The following SLC1A2 variants were observed in gnomAD, a reference collection of about 807,000 sequenced individuals.
SLC1A2 encodes excitatory amino acid transporter 2.
In SLC1A2, 15 loss-of-function variants were observed where a neutral mutation model predicts 48.8. That is an observed-to-expected ratio of 0.31 (90% confidence interval 0.21 to 0.47). The LOEUF (loss-of-function observed/expected upper bound fraction) is 0.47, where lower values mean the gene tolerates loss of function less well. SLC1A2 is among the 20% of genes least tolerant of loss of function. SLC1A2 has a pLI of 0.99. For missense variants in SLC1A2, 502 were observed against 730.5 expected, an observed-to-expected ratio of 0.69 and a Z score of 3.61; for synonymous variants, 279 against 272.6, an observed-to-expected ratio of 1.02 and a Z score of -0.23.
intron 1 of SLC1A2, among the ~76,000 whole-genome samples, chr11:35,380,758 C>A (rs1854395113): frequency 6.6e-6 from 1 of 152,198 alleles, no homozygotes; most frequent in South Asian, 2.1e-4. Context: ...GGTGTCTGCA[C>A]GGGCAGTGCC....
chr11:35,322,477 G>GAAACACTCAT (rs1852105413), intron 1 of SLC1A2: 2 of 762,878 alleles, frequency 2.6e-6, no homozygotes, highest in East Asian at 2.7e-5. Context: ...TGATGAGGTG[G>GAAACACTCAT]CAACAGAACA....
intron 1 of SLC1A2, among the ~76,000 whole-genome samples, chr11:35,338,492 T>C (rs1243476895): frequency 6.6e-6 from 1 of 152,144 alleles, no homozygotes; most frequent in African/African-American, 2.4e-5. Context: ...TGGGTGATCA[T>C]GTGGACCAAG....
intron 1 of SLC1A2, among the ~76,000 whole-genome samples, chr11:35,328,628 A>C (rs1225619864): frequency 1.3e-5 from 2 of 152,200 alleles, no homozygotes; most frequent in African/African-American, 4.8e-5. Flanking sequence ...CCAGCCCGAG[A>C]AAACTTGCTC....
intron 8 of SLC1A2, among the ~76,000 whole-genome samples, chr11:35,282,259 C>G (rs942260459): frequency 3.3e-5 from 5 of 152,146 alleles, no homozygotes; most frequent in Non-Finnish European, 7.4e-5. Context: ...TTGAATCCAT[C>G]TGGGTCACAG....
intron 1 of SLC1A2, among the ~76,000 whole-genome samples, chr11:35,320,641 G>C (rs1852026683): frequency 6.6e-6 from 1 of 152,250 alleles, no homozygotes; most frequent in South Asian, 2.1e-4. Flanking sequence ...AAGAGAAATT[G>C]AGAATTGAAA....
chr11:35,419,203 C>A lies in SLC1A2; in HGVS notation c.-237G>T. On this transcript the variant is annotated 5_prime_UTR_variant, in exon 1 of 11. Transcript: ENST00000278379. This position sits in a 1 kb window ranked among gnomAD's most constrained non-coding sequence, Gnocchi z 5.4. Reference sequence around the variant, plus strand: ...GGCGCGCGACCCGCGCTCCCCTCCGCCCGCGGGGATGGCGCTTGGCGGGGA... The same window carrying A: ...GGCGCGCGACCCGCGCTCCCCTCCGACCGCGGGGATGGCGCTTGGCGGGGA... 2.2e-6 allele frequency: 1 copy of A among 446,298 alleles called. No individual in the cohort carries two copies. Among genetic ancestry groups the A allele is most frequent in the Non-Finnish European group, 3.9e-6 (1 of 254,116 alleles). The allele number at this position is 446,298 out of a possible 1,614,324, so 27.6% of individuals were successfully genotyped here. A position where few individuals can be genotyped will look rare whatever the true frequency, so the allele number is the denominator to read the frequency against.
At position 35,280,854 on chromosome 11, in the gene SLC1A2, C is replaced by G. The variant is rs199860063; in HGVS notation, c.1421+13G>C. The G allele has an allele frequency of 1.1e-4, 182 of 1,585,074 alleles. No homozygotes were observed. Among genetic ancestry groups the G allele is most frequent in the Admixed American group, 2.4e-4 (14 of 57,362 alleles). On this transcript the variant is annotated intron_variant, in intron 9 of 10. Coordinates refer to ENST00000278379, the MANE Select transcript of SLC1A2 (RefSeq NM_004171.4). ...CTCACAGTCCCAGCAGAACCCCATCCACAGACACTTACAGCAGCCAGTCCA... is the reference window on the plus strand; with the variant it reads ...CTCACAGTCCCAGCAGAACCCCATCGACAGACACTTACAGCAGCCAGTCCA...
chr11:35,366,520 T>C (rs1180680801), intron 1 of SLC1A2, among the ~76,000 whole-genome samples: 3 of 152,196 alleles, frequency 2.0e-5, no homozygotes, highest in Non-Finnish European at 4.4e-5. Flanking sequence ...CTAAGGCACA[T>C]GATTTGCCCT....
At chr11:35,335,537 A>G (rs1852596999) in intron 1 of SLC1A2, among the ~76,000 whole-genome samples, 1 of 152,212 alleles carries the variant, frequency 6.6e-6, no homozygotes. Context: ...TCTATAGCTG[A>G]AGGAAATGCT....
chr11:35,322,659 A>G, intron 1 of SLC1A2: 2 of 1,531,974 alleles, frequency 1.3e-6, no homozygotes, highest in Non-Finnish European at 1.7e-6. Flanking sequence ...AGATTGCCCT[A>G]CTGGAAGACA....
intron 9 of SLC1A2, among the ~76,000 whole-genome samples, chr11:35,278,082 C>T (rs114731168): frequency 0.012 from 1,827 of 152,208 alleles, 40 homozygotes; most frequent in African/African-American, 0.041. Flanking sequence ...GACGCCACTA[C>T]CACCACCTGA....
intron 1 of SLC1A2, among the ~76,000 whole-genome samples, chr11:35,340,267 A>T (rs115252762): frequency 0.026 from 3,897 of 152,278 alleles, 156 homozygotes; most frequent in African/African-American, 0.089. Flanking sequence ...GGAGTCCAAA[A>T]TACAGGCCAC....
At position 35,317,582 on chromosome 11, in the gene SLC1A2, G is replaced by A. The variant is rs116621469; in HGVS notation, c.18-66C>T. Reference sequence around the variant, plus strand: ...CTCCCCTATACAGTTTCAGGGGCTCGACTAGTAGGAACCTCTCCAGGCACA... The same window carrying A: ...CTCCCCTATACAGTTTCAGGGGCTCAACTAGTAGGAACCTCTCCAGGCACA... On this transcript the variant is annotated intron_variant, in intron 1 of 10. Coordinates refer to ENST00000278379, the MANE Select transcript of SLC1A2 (RefSeq NM_004171.4). 103 of 1,538,660 alleles carry A rather than the reference G, an allele frequency of 6.7e-5. No homozygotes were observed. In the African/African-American group the frequency reaches 8.8e-4, roughly 13 times the overall value.
intron 1 of SLC1A2, among the ~76,000 whole-genome samples, chr11:35,387,840 A>G (rs1187770696): frequency 6.6e-6 from 1 of 152,244 alleles, no homozygotes; most frequent in Non-Finnish European, 1.5e-5. Flanking sequence ...AAACAAACAA[A>G]ATCATTTCTA....
intron 1 of SLC1A2, among the ~76,000 whole-genome samples, chr11:35,375,347 G>T (rs1320716303): frequency 6.6e-6 from 1 of 152,218 alleles, no homozygotes; most frequent in Non-Finnish European, 1.5e-5. Context: ...TATCATTGTG[G>T]TTCCCCGCTT....
chr11:35,329,065 A>T (rs1852341364), intron 1 of SLC1A2, among the ~76,000 whole-genome samples: 1 of 152,220 alleles, frequency 6.6e-6, no homozygotes, highest in Admixed American at 6.5e-5. Flanking sequence ...ATTATTCAGC[A>T]CTGAAAAGAA....
At chr11:35,283,303 G>GA (rs1335934462) in intron 8 of SLC1A2, among the ~76,000 whole-genome samples, 1 of 152,184 alleles carries the variant, frequency 6.6e-6, no homozygotes, top group Non-Finnish European at 1.5e-5. Context: ...GGAGAGAAAT[G>GA]AAAATTTTAC....
chr11:35,287,728 G>A (rs1043382588), intron 7 of SLC1A2, among the ~76,000 whole-genome samples: 26 of 152,174 alleles, frequency 1.7e-4, no homozygotes, highest in African/African-American at 5.3e-4. Flanking sequence ...TTCCTGACAC[G>A]TTCATATGTC....
At chr11:35,325,662 G>T (rs147802288) in intron 1 of SLC1A2, among the ~76,000 whole-genome samples, 5 of 152,122 alleles carry the variant, frequency 3.3e-5, no homozygotes. Context: ...GGGAAGTCAC[G>T]TCCTGTAAAA....
Sources: gnomAD v4.1 joint callset for allele counts (sites outside exome capture counted in the v4.1 genomes callset) on GRCh38, gnomAD v4.1.1 for gene constraint, Gnocchi (gnomAD v3.1) non-coding constraint, MANE v1.5 for transcripts, NCBI Gene and HGNC (gene_info 2026-07-23, HGNC 2026-07-21) for gene names.